The following CNST variants were observed in gnomAD, a reference collection of about 807,000 sequenced individuals.
CNST encodes consortin, connexin sorting protein.
A neutral mutation model predicts 72.4 loss-of-function variants in CNST; 39 were observed. The ratio of observed to expected loss-of-function variants is 0.54; its 90% CI spans 0.42 to 0.70. The LOEUF is 0.70. Among genes scored for constraint, CNST ranks in the 30% least tolerant of loss-of-function variants. The probability of loss-of-function intolerance (pLI) is 0.00; values close to 1 mark genes in which losing one functional copy is unlikely to be tolerated. For synonymous variants in CNST, 332 were observed against 320.1 expected (o/e 1.04, Z -0.40); for missense variants, 871 against 868.5 (o/e 1.00, Z -0.04).
intron 10 of CNST, among the ~76,000 whole-genome samples, chr1:246,661,244 A>G (rs1572258894): frequency 6.6e-6 from 1 of 151,680 alleles, no homozygotes; most frequent in Non-Finnish European, 1.5e-5. Flanking sequence ...CCAAAGTGCT[A>G]GGATTACAGG....
chr1:246,598,731 G>A (rs1306964723), intron 2 of CNST, among the ~76,000 whole-genome samples: 1 of 152,146 alleles, frequency 6.6e-6, no homozygotes, highest in East Asian at 1.9e-4. Context: ...TGGTGAACAG[G>A]AGTCTACATC....
intron 10 of CNST, among the ~76,000 whole-genome samples, chr1:246,660,805 A>G (rs1015086862): frequency 6.6e-6 from 1 of 152,182 alleles, no homozygotes; most frequent in Non-Finnish European, 1.5e-5. Flanking sequence ...ATAAAATCCA[A>G]CTATCATCTT....
At chr1:246,605,568 C>T (rs1408285494) in intron 2 of CNST, among the ~76,000 whole-genome samples, 1 of 152,160 alleles carries the variant, frequency 6.6e-6, no homozygotes, top group Non-Finnish European at 1.5e-5. Context: ...GTTTTACAGT[C>T]TCCTGTAAAC....
intron 10 of CNST, among the ~76,000 whole-genome samples, chr1:246,661,865 T>C (rs1434333518): frequency 6.6e-6 from 1 of 152,232 alleles, no homozygotes; most frequent in East Asian, 1.9e-4. Flanking sequence ...TTAGAAATAA[T>C]GTCCTAACCC....
At chr1:246,619,932 A>C (rs111439906) in intron 2 of CNST, among the ~76,000 whole-genome samples, 14 of 111,052 alleles carry the variant, frequency 1.3e-4, no homozygotes, top group African/African-American at 2.6e-4. Context: ...GGGCTCTGGG[A>C]ACACTACAGG....
At chr1:246,586,450 T>G (rs1170538742) in intron 1 of CNST, among the ~76,000 whole-genome samples, 6 of 148,302 alleles carry the variant, frequency 4.0e-5, no homozygotes, top group Non-Finnish European at 7.4e-5. Context: ...GCAAGCTATA[T>G]CTTATGTATC....
intron 1 of CNST, among the ~76,000 whole-genome samples, chr1:246,586,107 A>C (rs1440479217): frequency 2.4e-5 from 1 of 42,252 alleles, no homozygotes; most frequent in Non-Finnish European, 4.8e-5. Flanking sequence ...ATATATATAT[A>C]TATATGTGTG....
At chr1:246,637,253 C>T (rs1351835773) in intron 6 of CNST, among the ~76,000 whole-genome samples, 4 of 152,150 alleles carry the variant, frequency 2.6e-5, no homozygotes, top group Non-Finnish European at 4.4e-5. Context: ...TGTTAGTGTG[C>T]ATGCTGAGTA....
intron 1 of CNST, among the ~76,000 whole-genome samples, chr1:246,572,739 G>A (rs1660141410): frequency 6.6e-6 from 1 of 151,926 alleles, no homozygotes; most frequent in Non-Finnish European, 1.5e-5. Flanking sequence ...TAATTTTTTA[G>A]AAAAATAGAA....
chr1:246,630,531 T>C (rs1664712111), intron 3 of CNST, among the ~76,000 whole-genome samples: 1 of 152,232 alleles, frequency 6.6e-6, no homozygotes, highest in South Asian at 2.1e-4. Context: ...ATTTGTAGGA[T>C]TTAAACTAGG....
At chr1:246,635,444 A>G (rs1053978226) in intron 6 of CNST, among the ~76,000 whole-genome samples, 2 of 151,816 alleles carry the variant, frequency 1.3e-5, no homozygotes, top group African/African-American at 2.4e-5. Context: ...ACCCTCCTAG[A>G]AGGTTTGTTG....
chr1:246,596,407 AAAAG>A (rs777642682), intron 2 of CNST, among the ~76,000 whole-genome samples: 2 of 152,066 alleles, frequency 1.3e-5, no homozygotes, highest in Admixed American at 6.5e-5. Context: ...CAAAAAAAAA[AAAAG>A]AAAAAGAAAA....
At chr1:246,639,544 A>G (rs768214315) in intron 6 of CNST, among the ~76,000 whole-genome samples, 1 of 151,758 alleles carries the variant, frequency 6.6e-6, no homozygotes, top group South Asian at 2.1e-4. Flanking sequence ...CTTAGGGGAG[A>G]CCCGATACCC....
intron 2 of CNST, chr1:246,607,664 C>T (rs1035565648): frequency 2.7e-5 from 2 of 75,066 alleles, no homozygotes; most frequent in Admixed American, 1.6e-4. Context: ...GCCTCTCTCT[C>T]GATCCTCAGG....
chr1:246,602,196 A>T (rs573322451), intron 2 of CNST, among the ~76,000 whole-genome samples: 1 of 152,192 alleles, frequency 6.6e-6, no homozygotes, highest in Non-Finnish European at 1.5e-5. Context: ...AAAATATAAT[A>T]AAAAAGCAGA....
At position 246,566,561 on chromosome 1, in the gene CNST, C is replaced by T. The variant is rs1659695460; in HGVS notation, c.-154C>T. 2.4e-6 allele frequency: 1 copy of T among 410,910 alleles called. No homozygotes were observed. Among genetic ancestry groups the T allele is most frequent in the African/African-American group, 2.0e-5 (1 of 48,902 alleles). 25.5% of individuals were successfully genotyped at this position (410,910 alleles called of 1,614,324 possible). ...CTCCTCCACCGGAGCCAGGGGAGACCCGAGCAAGCTCCGTGACAGCACGTC... is the reference window on the plus strand; with the variant it reads ...CTCCTCCACCGGAGCCAGGGGAGACTCGAGCAAGCTCCGTGACAGCACGTC... On this transcript the variant is annotated 5_prime_UTR_variant, in exon 1 of 11. Transcript: ENST00000366513.
At chr1:246,655,622 T>C (rs1558596854) in intron 9 of CNST, among the ~76,000 whole-genome samples, 1 of 152,246 alleles carries the variant, frequency 6.6e-6, no homozygotes, top group Non-Finnish European at 1.5e-5. Flanking sequence ...TTGAAAGTTC[T>C]ATTAATCTTG....
intron 2 of CNST, among the ~76,000 whole-genome samples, chr1:246,594,026 C>T (rs148991113): frequency 1.3e-3 from 201 of 152,302 alleles, no homozygotes; most frequent in African/African-American, 4.7e-3. Context: ...CTGCCTAGGC[C>T]TCCCAAAGTG....
intron 2 of CNST, among the ~76,000 whole-genome samples, chr1:246,596,174 A>C (rs944902138): frequency 1.3e-5 from 2 of 152,044 alleles, no homozygotes; most frequent in Non-Finnish European, 2.9e-5. Flanking sequence ...GTAGCACTTT[A>C]AGAAGCCAAG....
Sources: gnomAD v4.1 joint callset for allele counts (sites outside exome capture counted in the v4.1 genomes callset) on GRCh38, gnomAD v4.1.1 for gene constraint, MANE v1.5 for transcripts, NCBI Gene and HGNC (gene_info 2026-07-23, HGNC 2026-07-21) for gene names.